Variants in TMEM74 observed in about 807,000 individuals in gnomAD.
TMEM74 encodes transmembrane protein 74.
TMEM74 carries 13 observed loss-of-function variants against 18.1 expected under a neutral mutation model. That is an observed-to-expected ratio of 0.72 (90% CI 0.47 to 1.14). TMEM74 has a LOEUF of 1.14. Ranked by LOEUF, TMEM74 falls within the 50% of genes most tolerant of loss-of-function variation. The probability of loss-of-function intolerance (pLI) is 0.00; values close to 1 mark genes in which losing one functional copy is unlikely to be tolerated. For synonymous variants in TMEM74, 159 were observed against 146.6 expected (o/e 1.08, Z -0.61); for missense variants, 372 against 375.9 (o/e 0.99, Z 0.09).
chr8:108,660,572 C>T (rs1812890080), intron 1 of TMEM74, among the ~76,000 whole-genome samples: 1 of 152,164 alleles, frequency 6.6e-6, no homozygotes, highest in African/African-American at 2.4e-5. Context: ...GTAATTAACA[C>T]ATCAATAATA....
At chr8:108,722,487 C>T (rs1039154342) in intron 1 of TMEM74, among the ~76,000 whole-genome samples, 2 of 152,132 alleles carry the variant, frequency 1.3e-5, no homozygotes, top group African/African-American at 4.8e-5. Context: ...ATGGAAAGAG[C>T]GTAGGCTTAG....
At chr8:108,660,002 A>G (rs1008765540) in intron 1 of TMEM74, among the ~76,000 whole-genome samples, 2 of 152,150 alleles carry the variant, frequency 1.3e-5, no homozygotes, top group African/African-American at 2.4e-5. Flanking sequence ...CCTGCATTGC[A>G]ATTCATCTTC....
chr8:108,742,882 T>C (rs886282142), intron 1 of TMEM74, among the ~76,000 whole-genome samples: 1 of 152,194 alleles, frequency 6.6e-6, no homozygotes, highest in Non-Finnish European at 1.5e-5. Context: ...GAAGGCATCA[T>C]GCAAATATGA....
At chr8:108,725,963 T>C (rs1813633124) in intron 1 of TMEM74, among the ~76,000 whole-genome samples, 1 of 151,996 alleles carries the variant, frequency 6.6e-6, no homozygotes, top group South Asian at 2.1e-4. Context: ...AAGGAAGGGA[T>C]CAGAAAAGAA....
At chr8:108,654,130 C>T (rs1281986668) in intron 2 of TMEM74, among the ~76,000 whole-genome samples, 2 of 151,740 alleles carry the variant, frequency 1.3e-5, no homozygotes, top group East Asian at 3.9e-4. Context: ...TTTTTATTTT[C>T]TTAGATCTTG....
intron 1 of TMEM74, among the ~76,000 whole-genome samples, chr8:108,740,018 A>G (rs1813784811): frequency 6.6e-6 from 1 of 152,182 alleles, no homozygotes. Flanking sequence ...GTGGGGGTCA[A>G]AAGGGCAGGT....
rs569951694 is a variant in TMEM74, at chr8:108,779,662, T to A, written c.*4519A>T. 2.4e-4 allele frequency among the ~76,000 whole-genome samples: 37 copies of A among 152,208 alleles called. No homozygotes were observed. Among genetic ancestry groups the A allele is most frequent in the Non-Finnish European group, 4.6e-4 (31 of 68,036 alleles). On this transcript the variant is annotated 3_prime_UTR_variant, in exon 2 of 2. Transcript: ENST00000297459. ...TGAAAGACTTCTCTTCTTCTTAATG[T>A]CAATAGTAAGGCATGCCAAATTCCT...
At chr8:108,699,758 C>A (rs1813317366) in intron 1 of TMEM74, among the ~76,000 whole-genome samples, 1 of 152,112 alleles carries the variant, frequency 6.6e-6, no homozygotes, top group Non-Finnish European at 1.5e-5. Flanking sequence ...AACTGTCCTT[C>A]TGGAATTGGG....
intron 2 of TMEM74, among the ~76,000 whole-genome samples, chr8:108,618,901 C>G (rs1038891869): frequency 6.6e-6 from 1 of 152,124 alleles, no homozygotes; most frequent in Non-Finnish European, 1.5e-5. Flanking sequence ...AGCATCATTG[C>G]CCAGTACTTG....
intron 1 of TMEM74, among the ~76,000 whole-genome samples, chr8:108,729,124 A>G (rs1813669354): frequency 1.3e-5 from 2 of 152,174 alleles, no homozygotes; most frequent in Non-Finnish European, 2.9e-5. Context: ...TTGTTAACAG[A>G]GCTGCATTCC....
chr8:108,637,717 A>C (rs1812621336), intron 2 of TMEM74, among the ~76,000 whole-genome samples: 1 of 152,160 alleles, frequency 6.6e-6, no homozygotes, highest in Non-Finnish European at 1.5e-5. Flanking sequence ...AGGACTACTG[A>C]CACCTTTACT....
chr8:108,742,303 A>G (rs979752009), intron 1 of TMEM74, among the ~76,000 whole-genome samples: 1 of 152,216 alleles, frequency 6.6e-6, no homozygotes, highest in African/African-American at 2.4e-5. Flanking sequence ...AGTAAAAACA[A>G]AAAACAATTT....
intron 2 of TMEM74, among the ~76,000 whole-genome samples, chr8:108,653,641 A>G (rs964694455): frequency 6.6e-6 from 1 of 152,164 alleles, no homozygotes; most frequent in African/African-American, 2.4e-5. Context: ...AGATTGTTTA[A>G]ATAATAAATA....
chr8:108,621,043 G>T (rs190571183), intron 2 of TMEM74, among the ~76,000 whole-genome samples: 240 of 152,260 alleles, frequency 1.6e-3, no homozygotes, highest in Admixed American at 2.7e-3. Context: ...GAAACTATGA[G>T]ATTTGAGATA....
intron 2 of TMEM74, among the ~76,000 whole-genome samples, chr8:108,642,785 A>G (rs997249229): frequency 6.6e-6 from 1 of 152,208 alleles, no homozygotes; most frequent in African/African-American, 2.4e-5. Context: ...TGCAAGGCAC[A>G]TCTGTTTTCA....
intron 2 of TMEM74, among the ~76,000 whole-genome samples, chr8:108,611,000 T>G (rs898377272): frequency 6.6e-6 from 1 of 152,214 alleles, no homozygotes; most frequent in Non-Finnish European, 1.5e-5. Context: ...TGGAAAGGAC[T>G]GGATAAAATG....
chr8:108,691,420 G>A (rs1211814906), intron 1 of TMEM74, among the ~76,000 whole-genome samples: 1 of 152,212 alleles, frequency 6.6e-6, no homozygotes, highest in Non-Finnish European at 1.5e-5. Flanking sequence ...AAGCAACAGT[G>A]AGTATATGGT....
chr8:108,750,391 C>T (rs980801075), intron 1 of TMEM74, among the ~76,000 whole-genome samples: 1 of 152,142 alleles, frequency 6.6e-6, no homozygotes, highest in African/African-American at 2.4e-5. Flanking sequence ...TCAAGGAACT[C>T]ATAAGTGAGA....
At chr8:108,776,449 C>T (rs140584004), downstream of TMEM74, among the ~76,000 whole-genome samples, 1,241 of 152,292 alleles carry the variant, frequency 8.1e-3, 18 homozygotes, top group African/African-American at 0.029. Flanking sequence ...GCCAAGATCA[C>T]GCCAGTGCAC....
Sources: allele counts gnomAD v4.1 joint callset (sites outside exome capture counted in the v4.1 genomes callset), GRCh38; gene constraint gnomAD v4.1.1; transcripts MANE v1.5; gene names NCBI Gene and HGNC (gene_info 2026-07-23, HGNC 2026-07-21).